The following PRMT8 variants were observed in gnomAD, a reference collection of about 807,000 sequenced individuals.
PRMT8 encodes the protein protein arginine N-methyltransferase 8.
In PRMT8, 7 loss-of-function variants were observed where a neutral mutation model predicts 47.1. The observed-to-expected ratio is 0.15, with a 90% confidence interval of 0.08 to 0.28. The LOEUF (loss-of-function observed/expected upper bound fraction) is 0.28, where lower values mean the gene tolerates loss of function less well. PRMT8 is among the 10% of genes least tolerant of loss of function. The pLI, the probability that PRMT8 is intolerant of heterozygous loss-of-function variation, is 1.00. For synonymous variants in PRMT8, 188 were observed against 186.5 expected, an observed-to-expected ratio of 1.01 and a Z score of -0.07; for missense variants, 237 against 505.4, an observed-to-expected ratio of 0.47 and a Z score of 5.09.
At chr12:3,403,866 G>A in intron 1 of PRMT8, among the ~76,000 whole-genome samples, 1 of 92,292 alleles carries the variant, frequency 1.1e-5, no homozygotes, top group African/African-American at 4.4e-5. Context: ...AACAGAGCAA[G>A]ACTCTGTCTC....
intron 1 of PRMT8, among the ~76,000 whole-genome samples, chr12:3,439,914 T>C (rs10744611): frequency 0.97 from 147,341 of 152,218 alleles, 71,515 homozygotes; most frequent in East Asian, 1. Context: ...ATGGAGAGGG[T>C]GGTCGTGGCA....
intron 1 of PRMT8, among the ~76,000 whole-genome samples, chr12:3,390,561 C>T (rs1591536046): frequency 6.6e-6 from 1 of 152,232 alleles, no homozygotes; most frequent in Non-Finnish European, 1.5e-5. Context: ...ATAGTAGCTA[C>T]CATTACGATT....
At chr12:3,540,252 T>A (rs1354227433) in intron 1 of PRMT8, among the ~76,000 whole-genome samples, 2 of 152,346 alleles carry the variant, frequency 1.3e-5, no homozygotes, top group East Asian at 3.9e-4. Flanking sequence ...GTGCTATGCA[T>A]CTTTCCCTTT....
At chr12:3,533,511 T>C (rs1451067119) in intron 1 of PRMT8, among the ~76,000 whole-genome samples, 1 of 152,230 alleles carries the variant, frequency 6.6e-6, no homozygotes, top group African/African-American at 2.4e-5. Flanking sequence ...CCCAAGACCA[T>C]TCTTCTTCTT....
chr12:3,385,040 G>C (rs920300369), intron 1 of PRMT8, among the ~76,000 whole-genome samples: 12 of 152,120 alleles, frequency 7.9e-5, no homozygotes, highest in Non-Finnish European at 1.3e-4. Flanking sequence ...TCAGCCAGTG[G>C]AGTGATCAAG....
intron 1 of PRMT8, among the ~76,000 whole-genome samples, chr12:3,519,579 G>A (rs1865849751): frequency 1.3e-5 from 2 of 152,198 alleles, no homozygotes; most frequent in Non-Finnish European, 2.9e-5. Flanking sequence ...TGTGAGGTGG[G>A]GGTAGAAAGC....
At chr12:3,485,196 G>C (rs1485477587) in intron 1 of PRMT8, among the ~76,000 whole-genome samples, 2 of 152,190 alleles carry the variant, frequency 1.3e-5, no homozygotes, top group African/African-American at 2.4e-5. Context: ...AGACCTCTCG[G>C]AAAGAATGCC....
At chr12:3,421,141 TG>T (rs1217639975) in intron 1 of PRMT8, among the ~76,000 whole-genome samples, 3 of 152,174 alleles carry the variant, frequency 2.0e-5, no homozygotes, top group East Asian at 1.9e-4. Context: ...AAAACATAAT[TG>T]TTTTTTTAAA....
At position 3,456,198 on chromosome 12, in the gene PRMT8, G is replaced by A. The variant is rs1242305149; in HGVS notation, c.48+74756G>A. The stretch of plus-strand genomic sequence containing the variant: ...GACCACATCCAAGTACGCCAGCGCT[G>A]GCACACCAAGCGCCACCTTTGAGCG... On this transcript the variant is annotated intron_variant, in intron 1 of 9. Transcript: ENST00000452611. The surrounding 1 kb of genome is among the most constrained non-coding windows in gnomAD (Gnocchi z 4.2). 6.6e-6 allele frequency among the ~76,000 whole-genome samples: 1 copy of A among 152,194 alleles called. No homozygotes were observed. Among genetic ancestry groups the A allele is most frequent in the African/African-American group, 2.4e-5 (1 of 41,436 alleles).
Position 3,426,569 on chromosome 12 carries a change from A to G in PRMT8, c.48+45127A>G, listed in dbSNP as rs141632201. ...AGGGATAGAGGTACTTTTCTGAAGT[A>G]GAGAGCTGTCTTTGACTTGGCAAGT... On this transcript the variant is annotated intron_variant, in intron 1 of 9. Coordinates refer to the PRMT8 transcript ENST00000452611. Among the ~76,000 whole-genome samples the G allele has an allele frequency of 2.4e-3, 373 of 152,366 alleles. 1 individual carries two copies. The highest frequency in any genetic ancestry group is 5.6e-3 in the Admixed American group (86 of 15,306).
At chr12:3,482,960 G>C (rs1865289016) in intron 1 of PRMT8, among the ~76,000 whole-genome samples, 1 of 152,146 alleles carries the variant, frequency 6.6e-6, no homozygotes, top group Non-Finnish European at 1.5e-5. Context: ...TGGATTTAAG[G>C]CCAGGTCTGT....
intron 1 of PRMT8, among the ~76,000 whole-genome samples, chr12:3,458,727 G>T (rs561145048): frequency 1.3e-5 from 2 of 152,138 alleles, no homozygotes; most frequent in Non-Finnish European, 2.9e-5. Context: ...CTCAATGTCT[G>T]CTCTAACTGG....
intron 1 of PRMT8, among the ~76,000 whole-genome samples, chr12:3,466,437 T>C (rs12301195): frequency 0.031 from 4,697 of 152,220 alleles, 214 homozygotes; most frequent in African/African-American, 0.11. Context: ...TGTAGGTTAG[T>C]AGTGTGAATC....
intron 1 of PRMT8, among the ~76,000 whole-genome samples, chr12:3,483,191 C>G (rs964353987): frequency 6.6e-6 from 1 of 152,180 alleles, no homozygotes; most frequent in Non-Finnish European, 1.5e-5. Context: ...GCACCCGGTC[C>G]GCAGTGGGTA....
intron 1 of PRMT8, among the ~76,000 whole-genome samples, chr12:3,431,612 TG>T (rs2137068439): frequency 6.6e-6 from 1 of 152,070 alleles, no homozygotes; most frequent in South Asian, 2.1e-4. Flanking sequence ...CAAGGAAAGA[TG>T]GGATTCCAAG....
chr12:3,552,795 C>T lies in PRMT8; in HGVS notation c.418-856C>T, dbSNP rs876593. On this transcript the variant is annotated intron_variant, in intron 3 of 9. Transcript: ENST00000382622. This position sits in a 1 kb window ranked among gnomAD's most constrained non-coding sequence, Gnocchi z 4.5. ...ACTTCTCAAGGGAATGGTCCCTGCC[C>T]GAGGCCTGGGGGTAGTCTGAGGGGC... 11,158 of 466,722 alleles carry T rather than the reference C, an allele frequency of 0.024. 194 individuals carry two copies. The highest frequency in any genetic ancestry group is 0.035 in the Non-Finnish European group (8,246 of 232,378). 28.9% of individuals were successfully genotyped at this position (466,722 alleles called of 1,614,324 possible).
upstream of PRMT8, among the ~76,000 whole-genome samples, chr12:3,490,604 A>C (rs1326431880): frequency 1.4e-5 from 2 of 142,476 alleles, no homozygotes; most frequent in Non-Finnish European, 3.0e-5. Context: ...TTCCCAAGCC[A>C]CTCTGGCCGC....
At chr12:3,447,643 G>A (rs868726521) in intron 1 of PRMT8, among the ~76,000 whole-genome samples, 1 of 151,896 alleles carries the variant, frequency 6.6e-6, no homozygotes, top group African/African-American at 2.4e-5. Context: ...CATCCACCCC[G>A]CTTCTCCCTA....
At chr12:3,434,748 C>CTT (rs35747379) in intron 1 of PRMT8, among the ~76,000 whole-genome samples, 119,507 of 147,186 alleles carry the variant, frequency 0.81, 50,199 homozygotes, top group East Asian at 0.96. Context: ...GAAGCCCCAT[C>CTT]TTTTTTTTTT....
Sources: allele counts gnomAD v4.1 joint callset (sites outside exome capture counted in the v4.1 genomes callset), GRCh38; gene constraint gnomAD v4.1.1; non-coding constraint Gnocchi (gnomAD v3.1); transcripts MANE v1.5; gene names NCBI Gene and HGNC (gene_info 2026-07-23, HGNC 2026-07-21).